The following BDH1 variants were observed in gnomAD, a reference collection of about 807,000 sequenced individuals.
BDH1 encodes the protein 3-hydroxybutyrate dehydrogenase 1.
A neutral mutation model predicts 33.1 loss-of-function variants in BDH1; 30 were observed. The ratio of observed to expected loss-of-function variants is 0.91; its 90% CI spans 0.68 to 1.23. The LOEUF is 1.23. BDH1 is among the 50% of genes most tolerant of loss of function. BDH1 has a pLI of 0.00. For missense variants in BDH1, 443 were observed against 464.4 expected, an observed-to-expected ratio of 0.95 and a Z score of 0.42; for synonymous variants, 190 against 183.6, an observed-to-expected ratio of 1.03 and a Z score of -0.28.
At chr3:197,532,200 A>G (rs1461889535) in intron 5 of BDH1, among the ~76,000 whole-genome samples, 1 of 152,178 alleles carries the variant, frequency 6.6e-6, no homozygotes, top group Non-Finnish European at 1.5e-5. Flanking sequence ...CATTTGACGA[A>G]TGATGGATAG....
intron 1 of BDH1, among the ~76,000 whole-genome samples, chr3:197,565,133 G>C (rs1717393771): frequency 6.6e-6 from 1 of 152,148 alleles, no homozygotes; most frequent in South Asian, 2.1e-4. Flanking sequence ...TGTTGGTCAG[G>C]CTGGTCTCAA....
intron 5 of BDH1, among the ~76,000 whole-genome samples, chr3:197,531,289 G>A (rs957401685): frequency 5.9e-5 from 9 of 151,724 alleles, no homozygotes; most frequent in Non-Finnish European, 8.8e-5. Flanking sequence ...CCAGCTACTC[G>A]GGAGGCTGAG....
At chr3:197,543,858 A>G (rs1295819539) in intron 3 of BDH1, among the ~76,000 whole-genome samples, 1 of 152,108 alleles carries the variant, frequency 6.6e-6, no homozygotes, top group Non-Finnish European at 1.5e-5. Flanking sequence ...GCCCCTGGGG[A>G]GAAGGGAATA....
rs1456154938 is a variant in BDH1, at chr3:197,511,809, G to A, written c.*86C>T. 8 of 1,291,362 alleles carry A rather than the reference G, an allele frequency of 6.2e-6. No individual in the cohort carries two copies. The highest frequency in any genetic ancestry group is 8.6e-6 in the Non-Finnish European group (8 of 933,422). 80.0% of individuals were successfully genotyped at this position (1,291,362 alleles called of 1,614,324 possible). A position where few individuals can be genotyped will look rare whatever the true frequency, so the allele number is the denominator to read the frequency against. ...TCCTGGCATGGTGGATAATCCACAC[G>A]TGGATAATCAAGAGTTGACTATATG... On this transcript the variant is annotated 3_prime_UTR_variant, in exon 8 of 8. Transcript: ENST00000392379.
chr3:197,542,500 A>G (rs1490062450), intron 3 of BDH1, among the ~76,000 whole-genome samples: 1 of 145,484 alleles, frequency 6.9e-6, no homozygotes, highest in Non-Finnish European at 1.5e-5. Context: ...GAGATGGTCA[A>G]CACGCTTTCT....
intron 2 of BDH1, among the ~76,000 whole-genome samples, chr3:197,547,245 C>T (rs535281792): frequency 2.6e-5 from 4 of 152,328 alleles, no homozygotes; most frequent in Non-Finnish European, 4.4e-5. Context: ...CACGGGCATG[C>T]GTTGCCCTCC....
intron 1 of BDH1, among the ~76,000 whole-genome samples, chr3:197,567,920 C>G (rs951193247): frequency 6.6e-6 from 1 of 152,080 alleles, no homozygotes; most frequent in African/African-American, 2.4e-5. Context: ...AATGAAGTAC[C>G]CTAAAAGAGG....
chr3:197,569,246 G>GT (rs34469658), intron 1 of BDH1, among the ~76,000 whole-genome samples: 15,046 of 150,796 alleles, frequency 0.1, 944 homozygotes, highest in Middle Eastern at 0.15. Flanking sequence ...TTGGAGTACA[G>GT]TTTTTTTTTT....
intron 6 of BDH1, among the ~76,000 whole-genome samples, chr3:197,517,168 C>T (rs987979255): frequency 6.6e-6 from 1 of 151,986 alleles, no homozygotes; most frequent in South Asian, 2.1e-4. Flanking sequence ...CTCACTCCTC[C>T]ACCTCCGTCT....
At chr3:197,546,079 G>A (rs1716052473) in intron 3 of BDH1, 2 of 248,800 alleles carry the variant, frequency 8.0e-6, no homozygotes, top group South Asian at 1.1e-4. Context: ...GGAGGTGGCA[G>A]TGAGCCGAGA....
intron 4 of BDH1, 115 bp downstream of exon 4, chr3:197,533,374 C>A (rs1255657477): frequency 1.9e-6 from 2 of 1,072,250 alleles, no homozygotes; most frequent in Non-Finnish European, 2.8e-6. Flanking sequence ...GAAAGTGGCT[C>A]CCAGTGTCCT....
Position 197,512,361 on chromosome 3 carries a change from C to T in BDH1, c.566G>A (p.Arg189His), listed in dbSNP as rs137863421. ...CAGCATGCTGCTGATATTGACGACG[C>T]GGCCTACAGAGGGAGACAGAGGTAC... ...FLPLIRRAKG[R>H]VVNISSMLGR... The change falls in exon 8 of 8, where the codon CGC becomes CAC. Residue 189 changes from arginine to histidine, a missense_variant. Arg to His is a conservative substitution (Grantham distance 29). Coordinates refer to ENST00000392379, the MANE Select transcript of BDH1 (RefSeq NM_203314.3). The T allele has an allele frequency of 6.9e-6, 11 of 1,601,816 alleles. No homozygotes were observed. The highest frequency in any genetic ancestry group is 2.7e-5 in the African/African-American group (2 of 74,884).
intron 1 of BDH1, among the ~76,000 whole-genome samples, chr3:197,568,128 A>T (rs1447911196): frequency 6.6e-6 from 1 of 152,278 alleles, no homozygotes; most frequent in East Asian, 1.9e-4. Flanking sequence ...TGCAGGTTAA[A>T]TCCTGCCCTT....
chr3:197,568,194 C>T (rs565467086), intron 1 of BDH1, among the ~76,000 whole-genome samples: 1 of 152,292 alleles, frequency 6.6e-6, no homozygotes, highest in South Asian at 2.1e-4. Flanking sequence ...TTGCTGAGTT[C>T]TGCTGGGCGA....
Position 197,523,321 on chromosome 3 carries a change from G to A in BDH1, c.268-540C>T, listed in dbSNP as rs1713757770. The A allele has an allele frequency of 6.6e-6, 1 of 152,544 alleles. No homozygotes were observed. Among genetic ancestry groups the A allele is most frequent in the Admixed American group, 6.5e-5 (1 of 15,290 alleles). The allele number at this position is 152,544 out of a possible 1,614,324, so 9.4% of individuals were successfully genotyped here. On this transcript the variant is annotated intron_variant, in intron 5 of 7. Transcript: ENST00000392379. The surrounding 1 kb of genome is among the most constrained non-coding windows in gnomAD (Gnocchi z 4.5). The stretch of plus-strand genomic sequence containing the variant: ...TTGCCACCTCTGTTCTAAGCCAAGG[G>A]CCCATCAACTCCAAATTGGTAAGAG...
At chr3:197,545,902 C>T (rs1016092936) in intron 3 of BDH1, among the ~76,000 whole-genome samples, 1 of 152,166 alleles carries the variant, frequency 6.6e-6, no homozygotes, top group Admixed American at 6.5e-5. Flanking sequence ...TTTGGGAGGC[C>T]AAGGCGGGTG....
At chr3:197,567,664 C>T (rs1381738595) in intron 1 of BDH1, among the ~76,000 whole-genome samples, 6 of 152,256 alleles carry the variant, frequency 3.9e-5, no homozygotes, top group South Asian at 2.1e-4. Context: ...CCTCAACCTT[C>T]GCAAAATAAA....
At chr3:197,538,198 G>T (rs879389316) in intron 3 of BDH1, 3 of 440,072 alleles carry the variant, frequency 6.8e-6, no homozygotes, top group African/African-American at 2.0e-5. Context: ...CCCAGAAGCG[G>T]AGGTCCTGTT....
At chr3:197,542,504 G>GCTTT (rs1406174126) in intron 3 of BDH1, among the ~76,000 whole-genome samples, 4 of 139,598 alleles carry the variant, frequency 2.9e-5, no homozygotes, top group African/African-American at 1.1e-4. Context: ...TGGTCAACAC[G>GCTTT]CTTTCTTTCT....
Sources: allele counts gnomAD v4.1 joint callset (sites outside exome capture counted in the v4.1 genomes callset), GRCh38; gene constraint gnomAD v4.1.1; non-coding constraint Gnocchi (gnomAD v3.1); transcripts MANE v1.5; gene names NCBI Gene and HGNC (gene_info 2026-07-23, HGNC 2026-07-21).